The following ABCA1 variants were observed in gnomAD, a reference collection of about 807,000 sequenced individuals.
The protein encoded by ABCA1 is ATP binding cassette subfamily A member 1.
A neutral mutation model predicts 262.5 loss-of-function variants in ABCA1; 133 were observed. That is an observed-to-expected ratio of 0.51 (90% confidence interval 0.44 to 0.59). ABCA1 has a LOEUF of 0.59. Ranked by LOEUF, ABCA1 falls within the 20% of genes least tolerant of loss-of-function variation. The pLI, the probability that ABCA1 is intolerant of heterozygous loss-of-function variation, is 0.00. For synonymous variants in ABCA1, 1,022 were observed against 1,043.5 expected, an observed-to-expected ratio of 0.98 and a Z score of 0.40; for missense variants, 2,452 against 2,777.5, an observed-to-expected ratio of 0.88 and a Z score of 2.63.
intron 1 of ABCA1, among the ~76,000 whole-genome samples, chr9:104,905,246 G>A (rs1391890928): frequency 5.3e-5 from 8 of 152,184 alleles, no homozygotes; most frequent in African/African-American, 1.7e-4. Context: ...GCGAGGTATG[G>A]ATACAAAACC....
At position 104,819,624 on chromosome 9, in the gene ABCA1, C is replaced by A; in HGVS notation, c.3203G>T (p.Arg1068Leu). ...EPTAGVDPYS[R>L]RGIWELLLKY... ...CAGCAGCAGCTCCCATATTCCCCTGCGGGAGTAAGGGTCCACACCAGCTGT... is the reference window on the plus strand; with the variant it reads ...CAGCAGCAGCTCCCATATTCCCCTGAGGGAGTAAGGGTCCACACCAGCTGT... Residue 1068 changes from arginine to leucine, a missense_variant, in exon 22 of 50, where the codon CGC becomes CTC. Arg to Leu is a moderately radical substitution (Grantham distance 102). Coordinates refer to ENST00000374736, the MANE Select transcript of ABCA1 (RefSeq NM_005502.4). 1 of 1,614,172 alleles carries A rather than the reference C, an allele frequency of 6.2e-7. No individual in the cohort carries two copies.
In ABCA1 at chr9:104,793,298, C is replaced by T. The variant is rs1009004215; in HGVS notation, c.5509G>A (p.Glu1837Lys). 8 of 1,613,940 alleles carry T rather than the reference C, an allele frequency of 5.0e-6. No individual in the cohort carries two copies. The highest frequency in any genetic ancestry group is 6.8e-6 in the Non-Finnish European group (8 of 1,180,004). Residue 1837 changes from glutamate (E) to lysine (K), a missense_variant and splice_region_variant, in exon 41 of 50, where the codon GAG becomes AAG. This residue lies in a region of ABCA1 where 752 missense variants were observed against 944.5 expected (regional missense o/e 0.80). Transcript: ENST00000374736. ...AMADALERFGENRFVSPLSWD... is the reference protein window; with the variant it reads ...AMADALERFGKNRFVSPLSWD... ...GATAATGGTGACACAAAGCGATTCT[C>T]CCCTAGTAGACACAATGCAGAGATC...
intron 24 of ABCA1, 70 bp from the exon 25 acceptor site, chr9:104,816,415 C>T (rs1831767497): frequency 6.9e-7 from 1 of 1,458,840 alleles, no homozygotes; most frequent in Non-Finnish European, 9.6e-7. Flanking sequence ...CTGGCCATCC[C>T]CCACCCTCTC....
intron 1 of ABCA1, among the ~76,000 whole-genome samples, chr9:104,913,073 A>T (rs542194380): frequency 2.6e-5 from 4 of 152,232 alleles, no homozygotes; most frequent in Non-Finnish European, 5.9e-5. Context: ...TTTGGATTAC[A>T]TCTCTGAAGA....
chr9:104,824,126 A>G (rs1444349661), intron 18 of ABCA1, among the ~76,000 whole-genome samples: 1 of 152,202 alleles, frequency 6.6e-6, no homozygotes, highest in African/African-American at 2.4e-5. Flanking sequence ...CAGCGAGGCT[A>G]TGGTTCCACA....
chr9:104,873,905 C>T (rs1248761693), intron 5 of ABCA1, among the ~76,000 whole-genome samples: 1 of 152,134 alleles, frequency 6.6e-6, no homozygotes, highest in Non-Finnish European at 1.5e-5. Flanking sequence ...AGCATCAAGC[C>T]AAGATTTGAA....
chr9:104,833,340 C>T (rs1833517079), intron 11 of ABCA1, among the ~76,000 whole-genome samples: 1 of 152,124 alleles, frequency 6.6e-6, no homozygotes, highest in Admixed American at 6.5e-5. Context: ...CACCACCACA[C>T]CTGGCTAATT....
rs1828687229 is a variant in ABCA1, at chr9:104,783,911, T to C, written c.*404A>G. ...TGGCTTAGTGAATGAGGATGTGCAT[T>C]ACCTTTTGATTTTGATCAATAATCG... On this transcript the variant is annotated 3_prime_UTR_variant, in exon 50 of 50. Coordinates refer to ENST00000374736, the MANE Select transcript of ABCA1 (RefSeq NM_005502.4). 1 of 191,070 alleles carries C rather than the reference T, an allele frequency of 5.2e-6. No homozygotes were observed. The highest frequency in any genetic ancestry group is 5.4e-5 in the Admixed American group (1 of 18,398). 11.8% of individuals were successfully genotyped at this position (191,070 alleles called of 1,614,324 possible).
chr9:104,836,506 C>G (rs925204098), intron 11 of ABCA1, among the ~76,000 whole-genome samples: 1 of 152,196 alleles, frequency 6.6e-6, no homozygotes, highest in Admixed American at 6.5e-5. Flanking sequence ...CTCTGAAGCA[C>G]TAAGTGCATT....
intron 38 of ABCA1, 52 bp downstream of exon 38, chr9:104,796,257 G>A: frequency 6.2e-7 from 1 of 1,613,926 alleles, no homozygotes; most frequent in Non-Finnish European, 8.5e-7. Flanking sequence ...TCTGACACTG[G>A]GCACCAAATG....
At position 104,837,110 on chromosome 9, in the gene ABCA1, G is replaced by A. The variant is rs759326619; in HGVS notation, c.1195-14C>T. 7.5e-6 allele frequency: 12 copies of A among 1,590,828 alleles called. No individual in the cohort carries two copies. Among genetic ancestry groups the A allele is most frequent in the East Asian group, 6.7e-5 (3 of 44,752 alleles). On this transcript the variant is annotated splice_polypyrimidine_tract_variant and intron_variant, in intron 10 of 49. Transcript: ENST00000374736. Reference sequence around the variant, plus strand: ...GGTCTTGTTCACCTGGAGTCAGGTGGGGAGCCAGGGACCGCAGAAAAAGGA... The same window carrying A: ...GGTCTTGTTCACCTGGAGTCAGGTGAGGAGCCAGGGACCGCAGAAAAAGGA...
chr9:104,911,911 G>A (rs2118483240), intron 1 of ABCA1, among the ~76,000 whole-genome samples: 1 of 152,270 alleles, frequency 6.6e-6, no homozygotes, highest in South Asian at 2.1e-4. Flanking sequence ...TCTATAAGAG[G>A]TTCTGCTATC....
intron 7 of ABCA1, among the ~76,000 whole-genome samples, chr9:104,854,228 A>G (rs1260570076): frequency 2.6e-5 from 4 of 152,160 alleles, no homozygotes; most frequent in African/African-American, 9.7e-5. Flanking sequence ...TCAGTCCTAC[A>G]ACTGCACGGG....
intron 6 of ABCA1, among the ~76,000 whole-genome samples, chr9:104,858,960 A>C: frequency 6.6e-6 from 1 of 152,236 alleles, no homozygotes; most frequent in Non-Finnish European, 1.5e-5. Context: ...CTTGCAAAGA[A>C]AAATCCAGAG....
chr9:104,786,336 C>T lies in ABCA1; in HGVS notation c.6363G>A (p.Arg2121=). The T allele has an allele frequency of 6.2e-7, 1 of 1,614,146 alleles. No homozygotes were observed. Among genetic ancestry groups the T allele is most frequent in the African/African-American group, 1.3e-5 (1 of 75,054 alleles). ...GCTGGACACTGCCAAGGCACCTGAA[C>T]CTTCCATTGACCATGATTGCCATCC... The part of the protein sequence containing the change: ...CTRMAIMVNG[R]FRCLGSVQHL... Residue 2121 remains arginine (R), a synonymous_variant, in exon 48 of 50, where the codon AGG becomes AGA. Coordinates refer to ENST00000374736, the MANE Select transcript of ABCA1 (RefSeq NM_005502.4).
intron 19 of ABCA1, among the ~76,000 whole-genome samples, chr9:104,821,798 G>A (rs1021064221): frequency 3.9e-5 from 6 of 152,110 alleles, no homozygotes; most frequent in Non-Finnish European, 7.3e-5. Flanking sequence ...GCCTAACATC[G>A]CATGCATGGA....
intron 45 of ABCA1, 96 bp downstream of exon 45, chr9:104,788,330 A>G (rs1455737592): frequency 2.0e-5 from 31 of 1,556,852 alleles, no homozygotes; most frequent in Non-Finnish European, 2.6e-5. Flanking sequence ...ATTCATGAGG[A>G]AAAACAGCCT....
chr9:104,789,918 ACC>A (rs1829268011), intron 44 of ABCA1, among the ~76,000 whole-genome samples: 1 of 152,006 alleles, frequency 6.6e-6, no homozygotes, highest in Non-Finnish European at 1.5e-5. Context: ...ACATGGTGAA[ACC>A]CCATCTCTAC....
intron 1 of ABCA1, among the ~76,000 whole-genome samples, chr9:104,905,057 G>T (rs1841006409): frequency 6.6e-6 from 1 of 152,222 alleles, no homozygotes; most frequent in Non-Finnish European, 1.5e-5. Context: ...ATGAAAAATG[G>T]AAGGGAGGAC....
Sources: allele counts gnomAD v4.1 joint callset (sites outside exome capture counted in the v4.1 genomes callset), GRCh38; gene constraint gnomAD v4.1.1; regional missense constraint gnomAD v4.1.1; transcripts MANE v1.5; gene names NCBI Gene and HGNC (gene_info 2026-07-23, HGNC 2026-07-21).